VWA5B1: variants seen among roughly 807,000 people sequenced by gnomAD.
VWA5B1 encodes von Willebrand factor A domain-containing protein 5B1.
A neutral mutation model predicts 118.2 loss-of-function variants in VWA5B1; 115 were observed. The observed-to-expected ratio is 0.97, with a 90% CI of 0.84 to 1.14. The LOEUF is 1.14. Ranked by LOEUF, VWA5B1 falls within the 50% of genes most tolerant of loss-of-function variation. The pLI is 0.00. For missense variants in VWA5B1, 1,596 were observed against 1,603.8 expected, an observed-to-expected ratio of 1.00 and a Z score of 0.08; for synonymous variants, 682 against 658.4, an observed-to-expected ratio of 1.04 and a Z score of -0.55.
chr1:20,342,708 T>C (rs1156838292), intron 15 of VWA5B1, 99 bp downstream of exon 15: 5 of 1,373,494 alleles, frequency 3.6e-6, no homozygotes, highest in African/African-American at 1.5e-5. Context: ...GATGCCTGGG[T>C]CTGTCCCCTT....
At chr1:20,310,444 G>A in intron 1 of VWA5B1, 132 bp from the exon 2 acceptor site, 1 of 887,656 alleles carries the variant, frequency 1.1e-6, no homozygotes, top group Non-Finnish European at 1.6e-6. Context: ...TCCTTCCCAG[G>A]AACTGGGAAG....
At chr1:20,308,214 T>C (rs1307037926) in intron 1 of VWA5B1, among the ~76,000 whole-genome samples, 2 of 151,156 alleles carry the variant, frequency 1.3e-5, no homozygotes, top group Non-Finnish European at 3.0e-5. Context: ...GGTTTTGTTC[T>C]TTTTTATAAC....
chr1:20,356,794 C>G lies in VWA5B1; in HGVS notation c.*2531C>G, dbSNP rs1199761282. Among the ~76,000 whole-genome samples the G allele has an allele frequency of 1.3e-5, 2 of 152,158 alleles. No individual in the cohort carries two copies. ...CAAATCTTCATTGGTTGCAAATAAC[C>G]CAAGAGCTATGGGGGCAGGTCTGGA... On this transcript the variant is annotated 3_prime_UTR_variant, in exon 22 of 22. Transcript: ENST00000289815.
intron 21 of VWA5B1, among the ~76,000 whole-genome samples, chr1:20,353,087 A>G (rs1035604748): frequency 2.0e-5 from 3 of 152,186 alleles, no homozygotes; most frequent in African/African-American, 7.2e-5. Flanking sequence ...TTCTTGGAGA[A>G]GGTCAAGGCT....
intron 20 of VWA5B1, among the ~76,000 whole-genome samples, chr1:20,351,316 C>A (rs543013834): frequency 6.6e-6 from 1 of 151,440 alleles, no homozygotes; most frequent in East Asian, 2.0e-4. Flanking sequence ...GCCAGGAGTT[C>A]GAGACCAGCC....
rs1039677000 is a variant in VWA5B1, at chr1:20,343,239, G to A, written c.2472G>A (p.Gln824=). 3.9e-5 allele frequency: 61 copies of A among 1,549,236 alleles called. No individual in the cohort carries two copies. The highest frequency in any genetic ancestry group is 5.1e-5 in the Non-Finnish European group (59 of 1,146,810). Residue 824 remains glutamine, a synonymous_variant, in exon 16 of 22, where the codon CAG becomes CAA. Transcript: ENST00000289815. The part of the protein sequence containing the change: ...VKGLHDSQRL[Q]WEVSFELGTP... Reference sequence around the variant, plus strand: ...GCCTGCACGACAGCCAACGCCTGCAGTGGGAGGTGAGCTTCGAGCTGGGGA... The same window carrying A: ...GCCTGCACGACAGCCAACGCCTGCAATGGGAGGTGAGCTTCGAGCTGGGGA...
chr1:20,336,367 C>G lies in VWA5B1; in HGVS notation c.1823C>G (p.Ser608Cys), dbSNP rs2089716019. Residue 608 changes from serine (S) to cysteine (C), a missense_variant, in exon 13 of 22, where the codon TCT (serine) becomes TGT (cysteine). By Grantham distance (112) the Ser-to-Cys change is moderately radical (BLOSUM62 -1). Coordinates refer to ENST00000289815, the MANE Select transcript of VWA5B1 (RefSeq NM_001039500.3). Reference sequence around the variant, plus strand: ...TCTGGCAGCTCTGTCTTCTACCACTCTCAGGATGACGGACCCGGGCTGGAA... The same window carrying G: ...TCTGGCAGCTCTGTCTTCTACCACTGTCAGGATGACGGACCCGGGCTGGAA... ...QESGSSVFYH[S>C]QDDGPGLEGG... is the part of the protein sequence containing the mutation. 1 of 1,528,584 alleles carries G rather than the reference C, an allele frequency of 6.5e-7. No homozygotes were observed. Among genetic ancestry groups the G allele is most frequent in the Non-Finnish European group, 8.8e-7 (1 of 1,135,428 alleles). The allele number at this position is 1,528,584 out of a possible 1,614,324, so 94.7% of individuals were successfully genotyped here.
intron 18 of VWA5B1, among the ~76,000 whole-genome samples, chr1:20,348,559 G>A (rs910785307): frequency 1.3e-5 from 2 of 152,186 alleles, no homozygotes; most frequent in South Asian, 2.1e-4. Context: ...TGGCCGGAGC[G>A]CACCACCACT....
chr1:20,331,284 T>G (rs1256560834), intron 11 of VWA5B1, among the ~76,000 whole-genome samples: 1 of 152,152 alleles, frequency 6.6e-6, no homozygotes, highest in Non-Finnish European at 1.5e-5. Context: ...GTGTTTGAGG[T>G]CCATATCTGG....
Position 20,345,482 on chromosome 1 carries a change from G to C in VWA5B1, c.2653G>C (p.Ala885Pro), listed in dbSNP as rs189206934. ...GTCCAACCGCCGCTACCAAGTGAGCGCCTTGCACACCAGCAAGGCCTGCAA... is the reference window on the plus strand; with the variant it reads ...GTCCAACCGCCGCTACCAAGTGAGCCCCTTGCACACCAGCAAGGCCTGCAA... ...QGSNRRYQVS[A>P]LHTSKACNII... The change falls in exon 17 of 22, where the codon GCC becomes CCC. Residue 885 changes from alanine to proline, a missense_variant. Ala to Pro is a conservative substitution (Grantham distance 27). Coordinates refer to ENST00000289815, the MANE Select transcript of VWA5B1 (RefSeq NM_001039500.3). The C allele has an allele frequency of 4.4e-4, 687 of 1,551,150 alleles. 3 individuals are homozygous for C. In the African/African-American group the frequency reaches 8.4e-3, roughly 19 times the overall value.
rs529801403 is a variant in VWA5B1 at position 20,348,405 on chromosome 1, G to A, written c.2878+47G>A. On this transcript the variant is annotated intron_variant, in intron 18 of 21. Transcript: ENST00000289815. ...AGAGCCACCCTGGGCACTTTCGGAA[G>A]CCTGGGCCCCTGAGGTTACCGCGTC... 8 of 1,542,388 alleles carry A rather than the reference G, an allele frequency of 5.2e-6. No individual in the cohort carries two copies. In the East Asian group the frequency reaches 1.5e-4, roughly 28 times the overall value.
Position 20,352,273 on chromosome 1 carries a change from G to A in VWA5B1, c.3141+101G>A, listed in dbSNP as rs17353136. On this transcript the variant is annotated intron_variant, in intron 21 of 21. Coordinates refer to ENST00000289815, the MANE Select transcript of VWA5B1 (RefSeq NM_001039500.3). The stretch of plus-strand genomic sequence containing the variant: ...CACCTCTCCACTTCCTCAAAGAGAA[G>A]AAGGCTTTGGTCTTAGAGCTCAGAT... 3,042 of 916,838 alleles carry A rather than the reference G, an allele frequency of 3.3e-3. 35 individuals carry two copies. The Middle Eastern group carries it at 0.051, about 15-fold the overall frequency. 56.8% of individuals were successfully genotyped at this position (916,838 alleles called of 1,614,324 possible).
chr1:20,313,332 A>G (rs150012809), intron 3 of VWA5B1, among the ~76,000 whole-genome samples: 225 of 152,388 alleles, frequency 1.5e-3, no homozygotes, highest in African/African-American at 5.2e-3. Flanking sequence ...CAGTCACACC[A>G]GGATTTGACT....
intron 1 of VWA5B1, among the ~76,000 whole-genome samples, chr1:20,304,743 AG>A (rs1318962031): frequency 6.6e-6 from 1 of 152,118 alleles, no homozygotes; most frequent in East Asian, 1.9e-4. Flanking sequence ...ACAAGGCTTG[AG>A]GGAAGCTCGG....
intron 18 of VWA5B1, among the ~76,000 whole-genome samples, chr1:20,348,716 G>A (rs2090062127): frequency 1.3e-5 from 2 of 152,168 alleles, no homozygotes; most frequent in South Asian, 4.1e-4. Flanking sequence ...AATAAACAAG[G>A]GAAAAAGCGA....
chr1:20,336,443 CA>C lies in VWA5B1; in HGVS notation c.1904del (p.Asn635MetfsTer4). ...GGGCACCCTTCATCCTAGGGCAGGC[CA>C]AAAATGCCCGGCTAGCCAGCGGAGA... is the stretch of plus-strand genomic sequence containing the variant. ...SGAPFILGQA[K>X]NARLASGDST... On this transcript the variant is annotated frameshift_variant, in exon 13 of 22. Transcript: ENST00000289815. LOFTEE classifies it high-confidence loss of function. 3.4e-6 allele frequency: 5 copies of C among 1,490,160 alleles called. No homozygotes were observed. Among genetic ancestry groups the C allele is most frequent in the Non-Finnish European group, 4.5e-6 (5 of 1,114,398 alleles). 92.3% of individuals were successfully genotyped at this position (1,490,160 alleles called of 1,614,324 possible).
chr1:20,325,330 G>T (rs1313187087), intron 8 of VWA5B1, among the ~76,000 whole-genome samples: 1 of 152,240 alleles, frequency 6.6e-6, no homozygotes, highest in African/African-American at 2.4e-5. Context: ...CTCTGTGACT[G>T]TGGACAAGCT....
rs146970556 is a variant in VWA5B1, at chr1:20,314,433, T to C, written c.404T>C (p.Ile135Thr). The C allele has an allele frequency of 2.3e-3, 3,539 of 1,551,846 alleles. 10 individuals carry two copies. The highest frequency in any genetic ancestry group is 4.8e-3 in the Middle Eastern group (29 of 5,994). ...CTGTTCGTGGCCAACCTGGGGACCA[T>C]TGCCCCCATGGAGAATGTCACCATC... ...RILFVANLGT[I>T]APMENVTIFI... is the part of the protein sequence containing the mutation. Residue 135 changes from isoleucine (I) to threonine (T), a missense_variant, in exon 4 of 22, where the codon ATT (isoleucine) becomes ACT (threonine). Physicochemically the swap from Ile to Thr is moderately conservative, Grantham distance 89. Coordinates refer to ENST00000289815, the MANE Select transcript of VWA5B1 (RefSeq NM_001039500.3).
In VWA5B1 at chr1:20,318,280, G is replaced by A. The variant is rs781507200; in HGVS notation, c.710-310G>A. The A allele has an allele frequency of 2.7e-4, 109 of 406,126 alleles. 1 individual carries two copies. Among genetic ancestry groups the A allele is most frequent in the African/African-American group, 1.4e-4 (7 of 48,678 alleles). 25.2% of individuals were successfully genotyped at this position (406,126 alleles called of 1,614,324 possible). On this transcript the variant is annotated intron_variant, in intron 5 of 21. Transcript: ENST00000289815. ...ACCCGTCAAAAAAGCACCCTCCGAC[G>A]GAGCGCTGAGAGCCATCTGCTTGGC...
Sources: gnomAD v4.1 joint callset for allele counts (sites outside exome capture counted in the v4.1 genomes callset) on GRCh38, gnomAD v4.1.1 for gene constraint, MANE v1.5 for transcripts, NCBI Gene and HGNC (gene_info 2026-07-23, HGNC 2026-07-21) for gene names.